Variants in GMPPA observed in about 807,000 individuals in gnomAD.
The protein encoded by GMPPA is GDP-mannose pyrophosphorylase A, also known as mannose-1-phosphate guanylyltransferase regulatory subunit alpha.
A neutral mutation model predicts 58.6 loss-of-function variants in GMPPA; 46 were observed. The observed-to-expected ratio is 0.78, with a 90% CI of 0.62 to 1.00. GMPPA has a LOEUF of 1.00. Ranked by LOEUF, GMPPA falls within the 50% of genes least tolerant of loss-of-function variation. The pLI, the probability that GMPPA is intolerant of heterozygous loss-of-function variation, is 0.00. For synonymous variants in GMPPA, 211 were observed against 214.9 expected, an observed-to-expected ratio of 0.98 and a Z score of 0.16; for missense variants, 468 against 556.4, an observed-to-expected ratio of 0.84 and a Z score of 1.60.
Position 219,505,283 on chromosome 2 carries a change from G to T in GMPPA, c.676G>T (p.Val226Leu). The change falls in exon 8 of 13, where the codon GTG becomes TTG. Residue 226 changes from valine to leucine, a missense_variant. Coordinates refer to ENST00000313597, the MANE Select transcript of GMPPA (RefSeq NM_013335.4). ...AGGTACCATCCGCCTAGAGCAGGAT[G>T]TGTTTTCAGCCCTGGCAGGGCAGGG... ...GAGTIRLEQD[V>L]FSALAGQGQI... is the part of the protein sequence containing the mutation. 6.2e-7 allele frequency: 1 copy of T among 1,614,118 alleles called. No homozygotes were observed. The highest frequency in any genetic ancestry group is 1.7e-5 in the Admixed American group (1 of 60,024).
chr2:219,502,695 A>T lies in GMPPA; in HGVS notation c.489+254A>T, dbSNP rs1694444004. Among the ~76,000 whole-genome samples, 1 of 152,136 alleles carries T rather than the reference A, an allele frequency of 6.6e-6. No individual in the cohort carries two copies. The highest frequency in any genetic ancestry group is 1.5e-5 in the Non-Finnish European group (1 of 67,998). On this transcript the variant is annotated intron_variant, in intron 6 of 12. Transcript: ENST00000313597. The surrounding 1 kb of genome is among the most constrained non-coding windows in gnomAD (Gnocchi z 4.0). ...ATGATGGGAACACCAAGGGGGCCCC[A>T]ACCCAGCCTTGCTGGGGTGGGAGTA...
intron 6 of GMPPA, among the ~76,000 whole-genome samples, chr2:219,503,420 A>T (rs2125634197): frequency 6.6e-6 from 1 of 152,248 alleles, no homozygotes; most frequent in Middle Eastern, 3.4e-3. Context: ...CCACCACCAT[A>T]CCTGGCGTCA....
chr2:219,504,031 G>A, intron 6 of GMPPA, 52 bp from the exon 7 acceptor site: 1 of 1,607,086 alleles, frequency 6.2e-7, no homozygotes, highest in South Asian at 1.1e-5. Flanking sequence ...GGTCTTAGGG[G>A]ACTGTGGCGG....
rs1694345731 is a variant in GMPPA at position 219,500,297 on chromosome 2, C to G, written c.138+79C>G. The G allele has an allele frequency of 4.9e-6, 4 of 811,716 alleles. No individual in the cohort carries two copies. In the East Asian group the frequency reaches 1.1e-4, roughly 22 times the overall value. 50.3% of individuals were successfully genotyped at this position (811,716 alleles called of 1,614,324 possible). On this transcript the variant is annotated intron_variant, in intron 3 of 12. Coordinates refer to ENST00000313597, the MANE Select transcript of GMPPA (RefSeq NM_013335.4). ...TTTCCCCCTTTCCCAACCATGAACTCTTCCCACCAGGCATAACTCCAAGGA... is the reference window on the plus strand; with the variant it reads ...TTTCCCCCTTTCCCAACCATGAACTGTTCCCACCAGGCATAACTCCAAGGA...
chr2:219,504,341 A>G, intron 7 of GMPPA, 128 bp downstream of exon 7: 4 of 844,502 alleles, frequency 4.7e-6, no homozygotes, highest in Non-Finnish European at 7.4e-6. Context: ...TCCACTTGCC[A>G]TCTCCAGCAG....
rs1159713765 is a variant in GMPPA at position 219,502,103 on chromosome 2, G to T, written c.429+66G>T. The stretch of plus-strand genomic sequence containing the variant: ...TCCCAAGAGCTTCCCGGAATTCAGG[G>T]TGTTGGGGAGGCAGGGGCGCCCCGG... On this transcript the variant is annotated intron_variant, in intron 5 of 12. Coordinates refer to ENST00000313597, the MANE Select transcript of GMPPA (RefSeq NM_013335.4). The surrounding 1 kb of genome is among the most constrained non-coding windows in gnomAD (Gnocchi z 4.0). 8.4e-6 allele frequency: 13 copies of T among 1,544,224 alleles called. No homozygotes were observed. Among genetic ancestry groups the T allele is most frequent in the East Asian group, 2.2e-5 (1 of 44,488 alleles).
At chr2:219,499,657 A>T (rs933700523) in intron 1 of GMPPA, 19 of 415,030 alleles carry the variant, frequency 4.6e-5, no homozygotes, top group Non-Finnish European at 7.4e-5. Flanking sequence ...GGGATTTGAG[A>T]TGTGTGGGAT....
chr2:219,505,075 C>T (rs1226908664), intron 7 of GMPPA, 153 bp from the exon 8 acceptor site: 2 of 918,798 alleles, frequency 2.2e-6, no homozygotes, highest in African/African-American at 1.7e-5. Flanking sequence ...GGGATGTGAG[C>T]AGCCACATCC....
chr2:219,501,773 G>A (rs894186395), intron 4 of GMPPA, 78 bp from the exon 5 acceptor site: 22 of 1,292,928 alleles, frequency 1.7e-5, no homozygotes, highest in Non-Finnish European at 2.3e-5. Flanking sequence ...GGGAGCAAGC[G>A]GTGGCGGTCA....
chr2:219,501,772 C>G, intron 4 of GMPPA, 79 bp from the exon 5 acceptor site: 1 of 1,276,462 alleles, frequency 7.8e-7, no homozygotes, highest in Non-Finnish European at 1.1e-6. Context: ...TGGGAGCAAG[C>G]GGTGGCGGTC....
chr2:219,501,790 C>G (rs1308769285), intron 4 of GMPPA, 61 bp from the exon 5 acceptor site: 2 of 1,510,660 alleles, frequency 1.3e-6, no homozygotes, highest in African/African-American at 1.4e-5. Context: ...GTCAGGTGCC[C>G]TGGCTCATGG....
At chr2:219,500,681 A>G (rs1694358441) in intron 3 of GMPPA, 1 of 197,338 alleles carries the variant, frequency 5.1e-6, no homozygotes, top group African/African-American at 2.3e-5. Context: ...CTTATGTGTA[A>G]AATGGGGGTG....
At chr2:219,500,836 G>A (rs1694363248) in intron 3 of GMPPA, 1 of 154,890 alleles carries the variant, frequency 6.5e-6, no homozygotes, top group Admixed American at 6.3e-5. Context: ...CCGGGGGGGA[G>A]GGGGCGGGGT....
At position 219,502,015 on chromosome 2, in the gene GMPPA, C is replaced by A. The variant is rs368690353; in HGVS notation, c.407C>A (p.Pro136His). Residue 136 changes from proline to histidine, a missense_variant, in exon 5 of 13, where the codon CCT becomes CAT. By Grantham distance (77) the Pro-to-His change is moderately conservative (BLOSUM62 -2). Coordinates refer to ENST00000313597, the MANE Select transcript of GMPPA (RefSeq NM_013335.4). The surrounding 1 kb of genome is among the most constrained non-coding windows in gnomAD (Gnocchi z 4.0). Reference sequence around the variant, plus strand: ...GAAGCCCACCGACGCCAGCGTCACCCTTTCTTACTCCTTGGCACTACGGTG... The same window carrying A: ...GAAGCCCACCGACGCCAGCGTCACCATTTCTTACTCCTTGGCACTACGGTG... ...MLEAHRRQRH[P>H]FLLLGTTANR... is the part of the protein sequence containing the mutation. 42 of 1,614,228 alleles carry A rather than the reference C, an allele frequency of 2.6e-5. No individual in the cohort carries two copies. In the African/African-American group the frequency reaches 5.5e-4, roughly 21 times the overall value.
rs1298206832 is a variant in GMPPA at position 219,500,169 on chromosome 2, C to G, written c.89C>G (p.Pro30Arg). 6.3e-7 allele frequency: 1 copy of G among 1,593,118 alleles called. No homozygotes were observed. The highest frequency in any genetic ancestry group is 8.6e-7 in the Non-Finnish European group (1 of 1,167,738). Residue 30 changes from proline (P) to arginine (R), a missense_variant, in exon 3 of 13, where the codon CCT becomes CGT. Transcript: ENST00000313597. The stretch of plus-strand genomic sequence containing the variant: ...TTTGAGGTGCCCAAACCATTGTTTC[C>G]TGTGGCAGGGGTCCCTATGATCCAA... The part of the protein sequence containing the change: ...LSFEVPKPLF[P>R]VAGVPMIQHH...
intron 6 of GMPPA, 53 bp from the exon 7 acceptor site, chr2:219,504,030 G>A: frequency 6.2e-7 from 1 of 1,606,540 alleles, no homozygotes; most frequent in African/African-American, 1.3e-5. Flanking sequence ...GGGTCTTAGG[G>A]GACTGTGGCG....
At chr2:219,506,491 C>T (rs561101397) in intron 12 of GMPPA, 69 bp downstream of exon 12, 21 of 1,461,152 alleles carry the variant, frequency 1.4e-5, no homozygotes, top group African/African-American at 4.2e-5. Flanking sequence ...GGGGAGCATT[C>T]GTTCCTCTGT....
rs1194620643 is a variant in GMPPA, at chr2:219,499,988, G to T, written c.13G>T (p.Val5Leu). The T allele has an allele frequency of 6.2e-7, 1 of 1,613,836 alleles. No individual in the cohort carries two copies. Among genetic ancestry groups the T allele is most frequent in the Non-Finnish European group, 8.5e-7 (1 of 1,179,888 alleles). ...AGCAGTCACCATTATGCTCAAAGCG[G>T]TGATCCTGATTGGAGGCCCTCAAAA... is the stretch of plus-strand genomic sequence containing the variant. MLKA[V>L]ILIGGPQKGT... Residue 5 changes from valine to leucine, a missense_variant, in exon 2 of 13, where the codon GTG becomes TTG. Coordinates refer to ENST00000313597, the MANE Select transcript of GMPPA (RefSeq NM_013335.4).
At position 219,502,115 on chromosome 2, in the gene GMPPA, C is replaced by A; in HGVS notation, c.429+78C>A. 1 of 1,449,570 alleles carries A rather than the reference C, an allele frequency of 6.9e-7. No individual in the cohort carries two copies. Among genetic ancestry groups the A allele is most frequent in the Non-Finnish European group, 9.6e-7 (1 of 1,045,232 alleles). The allele number at this position is 1,449,570 out of a possible 1,614,324, so 89.8% of individuals were successfully genotyped here. A position where few individuals can be genotyped will look rare whatever the true frequency, so the allele number is the denominator to read the frequency against. ...CCCGGAATTCAGGGTGTTGGGGAGG[C>A]AGGGGCGCCCCGGGAGTTGGTGTGG... is the stretch of plus-strand genomic sequence containing the variant. On this transcript the variant is annotated intron_variant, in intron 5 of 12. Transcript: ENST00000313597. This position sits in a 1 kb window ranked among gnomAD's most constrained non-coding sequence, Gnocchi z 4.0.
Sources: allele counts gnomAD v4.1 joint callset (sites outside exome capture counted in the v4.1 genomes callset), GRCh38; gene constraint gnomAD v4.1.1; non-coding constraint Gnocchi (gnomAD v3.1); transcripts MANE v1.5; gene names NCBI Gene and HGNC (gene_info 2026-07-23, HGNC 2026-07-21).